Variants in IL23R observed in about 807,000 individuals in gnomAD.
The protein encoded by IL23R is interleukin-23 receptor.
IL23R carries 34 observed loss-of-function variants against 56.9 expected under a neutral mutation model. The observed-to-expected ratio is 0.60, with a 90% CI of 0.45 to 0.80. The LOEUF is 0.80. Ranked by LOEUF, IL23R falls within the 30% of genes least tolerant of loss-of-function variation. The pLI, the probability that IL23R is intolerant of heterozygous loss-of-function variation, is 0.00. For synonymous variants in IL23R, 230 were observed against 249.2 expected (o/e 0.92, Z 0.73); for missense variants, 635 against 730.0 (o/e 0.87, Z 1.50).
At chr1:67,249,705 C>T (rs1022981368) in intron 9 of IL23R, among the ~76,000 whole-genome samples, 7 of 152,044 alleles carry the variant, frequency 4.6e-5, no homozygotes, top group African/African-American at 1.7e-4. Context: ...TCCAAGGGCC[C>T]TCTGTAGCAT....
At chr1:67,174,697 A>G (rs903321635) in intron 3 of IL23R, among the ~76,000 whole-genome samples, 2 of 152,162 alleles carry the variant, frequency 1.3e-5, no homozygotes, top group Non-Finnish European at 2.9e-5. Flanking sequence ...CTTATTCACT[A>G]TTGAATGATA....
At chr1:67,173,281 A>G (rs992812422) in intron 3 of IL23R, among the ~76,000 whole-genome samples, 7 of 152,158 alleles carry the variant, frequency 4.6e-5, no homozygotes, top group Non-Finnish European at 1.0e-4. Flanking sequence ...ACTTATTTGC[A>G]TGTGTGTGTA....
At chr1:67,187,562 T>A (rs1647428192) in intron 4 of IL23R, among the ~76,000 whole-genome samples, 1 of 152,212 alleles carries the variant, frequency 6.6e-6, no homozygotes, top group East Asian at 1.9e-4. Context: ...CACATTCACT[T>A]TATAAAGTAA....
intron 1 of IL23R, among the ~76,000 whole-genome samples, chr1:67,150,442 T>C (rs1558216049): frequency 6.6e-6 from 1 of 151,736 alleles, no homozygotes; most frequent in Non-Finnish European, 1.5e-5. Context: ...TTCTGACAGG[T>C]CCCGGTGTGT....
chr1:67,223,435 G>A lies in IL23R; in HGVS notation c.955+3705G>A, dbSNP rs1650428283. Among the ~76,000 whole-genome samples the A allele has an allele frequency of 3.3e-5, 5 of 152,216 alleles. No homozygotes were observed. The South Asian group carries it at 1.0e-3, about 32-fold the overall frequency. ...ACTTGGATTTATTAAAGTTTAACAT[G>A]TTAGCTAAGAGAAACCATAGACTGT... is the stretch of plus-strand genomic sequence containing the variant. On this transcript the variant is annotated intron_variant, in intron 7 of 10. Coordinates refer to ENST00000347310, the MANE Select transcript of IL23R (RefSeq NM_144701.3).
At chr1:67,225,912 T>G (rs1193830868) in intron 7 of IL23R, among the ~76,000 whole-genome samples, 5 of 152,152 alleles carry the variant, frequency 3.3e-5, no homozygotes, top group South Asian at 4.1e-4. Context: ...TCAGACACAC[T>G]CTTTAAGAGA....
intron 7 of IL23R, among the ~76,000 whole-genome samples, chr1:67,231,295 T>G (rs1436946038): frequency 6.6e-6 from 1 of 152,202 alleles, no homozygotes; most frequent in African/African-American, 2.4e-5. Context: ...GGAAGGAAAT[T>G]TATGTACAAT....
intron 1 of IL23R, among the ~76,000 whole-genome samples, chr1:67,154,581 C>G (rs938595857): frequency 2.0e-5 from 3 of 151,596 alleles, no homozygotes; most frequent in African/African-American, 7.3e-5. Flanking sequence ...GGATTGCAAG[C>G]CCTGTCTTTT....
At chr1:67,207,133 A>G (rs1649126905) in intron 6 of IL23R, 78 bp downstream of exon 6, 3 of 1,356,996 alleles carry the variant, frequency 2.2e-6, no homozygotes, top group African/African-American at 2.9e-5. Context: ...CAGTGGACTT[A>G]TTATGTCTAT....
At chr1:67,212,821 C>T (rs185138068) in intron 6 of IL23R, among the ~76,000 whole-genome samples, 9 of 152,264 alleles carry the variant, frequency 5.9e-5, no homozygotes, top group African/African-American at 2.2e-4. Context: ...TCCCAAAGTG[C>T]TGGTATTACA....
chr1:67,261,159 C>T (rs1027954998), downstream of IL23R, among the ~76,000 whole-genome samples: 1 of 150,040 alleles, frequency 6.7e-6, no homozygotes. Context: ...GACTGTATAT[C>T]CCAGTTTGCC....
At chr1:67,183,513 C>T (rs7532009) in intron 4 of IL23R, among the ~76,000 whole-genome samples, 43,386 of 151,916 alleles carry the variant, frequency 0.29, 6,674 homozygotes, top group Admixed American at 0.43. Flanking sequence ...CTAGCCTGGG[C>T]GACAGAACAA....
downstream of IL23R, among the ~76,000 whole-genome samples, chr1:67,263,879 CA>C (rs1342515635): frequency 6.8e-6 from 1 of 147,680 alleles, no homozygotes; most frequent in African/African-American, 2.5e-5. Flanking sequence ...AAAAAAAAAG[CA>C]ATCTGTTGTA....
At chr1:67,170,653 A>G (rs1646931788) in intron 3 of IL23R, among the ~76,000 whole-genome samples, 1 of 152,148 alleles carries the variant, frequency 6.6e-6, no homozygotes, top group Admixed American at 6.5e-5. Context: ...TTCATTCTCT[A>G]TAGCACTTGA....
intron 3 of IL23R, among the ~76,000 whole-genome samples, chr1:67,174,537 G>A (rs1449608818): frequency 6.6e-6 from 1 of 151,584 alleles, no homozygotes; most frequent in Non-Finnish European, 1.5e-5. Context: ...CATTCTTTAT[G>A]AGCCCCTATC....
intron 2 of IL23R, 134 bp from the exon 3 acceptor site, chr1:67,169,208 C>A: frequency 1.0e-5 from 6 of 584,010 alleles, no homozygotes; most frequent in Non-Finnish European, 1.5e-5. Context: ...AAAGATACAT[C>A]TAGTCCTAAA....
intron 5 of IL23R, among the ~76,000 whole-genome samples, chr1:67,206,280 T>C (rs1245796668): frequency 6.6e-6 from 1 of 152,104 alleles, no homozygotes; most frequent in Non-Finnish European, 1.5e-5. Flanking sequence ...TCCCAAATGC[T>C]GGGAATACAG....
At chr1:67,210,455 G>A (rs181111642) in intron 6 of IL23R, among the ~76,000 whole-genome samples, 77 of 150,196 alleles carry the variant, frequency 5.1e-4, no homozygotes, top group Middle Eastern at 3.4e-3. Context: ...TTTCCCTTCC[G>A]ATACTTTTTT....
At chr1:67,208,630 G>C (rs1326907550) in intron 6 of IL23R, among the ~76,000 whole-genome samples, 1 of 152,218 alleles carries the variant, frequency 6.6e-6, no homozygotes, top group Non-Finnish European at 1.5e-5. Context: ...ATTGAGGTTT[G>C]GGAACCTCCA....
Sources: gnomAD v4.1 joint callset for allele counts (sites outside exome capture counted in the v4.1 genomes callset) on GRCh38, gnomAD v4.1.1 for gene constraint, MANE v1.5 for transcripts, NCBI Gene and HGNC (gene_info 2026-07-23, HGNC 2026-07-21) for gene names.